The following ITGAV variants were observed in gnomAD, a reference collection of about 807,000 sequenced individuals.
ITGAV encodes integrin alpha-V.
Under a neutral mutation model 143.8 loss-of-function variants are expected in ITGAV, and 76 were observed. That is an observed-to-expected ratio of 0.53 (90% confidence interval 0.44 to 0.64). ITGAV has a LOEUF of 0.64. ITGAV is among the 30% of genes least tolerant of loss of function. The probability of loss-of-function intolerance (pLI) is 0.00; values close to 1 mark genes in which losing one functional copy is unlikely to be tolerated. For synonymous variants in ITGAV, 453 were observed against 446.7 expected, an observed-to-expected ratio of 1.01 and a Z score of -0.18; for missense variants, 1,193 against 1,274.7, an observed-to-expected ratio of 0.94 and a Z score of 0.98.
At chr2:186,633,951 C>G (rs896924813) in intron 6 of ITGAV, among the ~76,000 whole-genome samples, 45 of 152,102 alleles carry the variant, frequency 3.0e-4, no homozygotes, top group African/African-American at 1.1e-3. Flanking sequence ...TCACTTGAAC[C>G]CAGGAGGAGG....
intron 4 of ITGAV, among the ~76,000 whole-genome samples, chr2:186,627,490 A>T (rs1264152407): frequency 1.3e-5 from 2 of 152,226 alleles, no homozygotes; most frequent in Non-Finnish European, 2.9e-5. Flanking sequence ...ACTCTCCTGA[A>T]AACATGCGTT....
In ITGAV at chr2:186,590,236, G is replaced by A; in HGVS notation, c.-103G>A. ...TAGCCGAGAAGAGAGCGGCCGGCAAGTTTGGGCGCGCGCAGGCGGCGGGCC... is the reference window on the plus strand; with the variant it reads ...TAGCCGAGAAGAGAGCGGCCGGCAAATTTGGGCGCGCGCAGGCGGCGGGCC... On this transcript the variant is annotated 5_prime_UTR_variant, in exon 1 of 30. Coordinates refer to ENST00000261023, the MANE Select transcript of ITGAV (RefSeq NM_002210.5). 1.9e-6 allele frequency: 2 copies of A among 1,060,418 alleles called. No homozygotes were observed. The highest frequency in any genetic ancestry group is 2.5e-6 in the Non-Finnish European group (2 of 800,260). 65.7% of individuals were successfully genotyped at this position (1,060,418 alleles called of 1,614,324 possible). A position where few individuals can be genotyped will look rare whatever the true frequency, so the allele number is the denominator to read the frequency against.
At chr2:186,615,045 A>G (rs1440307144) in intron 2 of ITGAV, among the ~76,000 whole-genome samples, 1 of 152,016 alleles carries the variant, frequency 6.6e-6, no homozygotes, top group Non-Finnish European at 1.5e-5. Flanking sequence ...GCAGCTATTA[A>G]TTTACTTTCT....
At chr2:186,622,538 A>T in intron 3 of ITGAV, 108 bp downstream of exon 3, 2 of 723,436 alleles carry the variant, frequency 2.8e-6, no homozygotes, top group Non-Finnish European at 4.9e-6. Flanking sequence ...GCTCAAGGGC[A>T]CAGGGTATAA....
chr2:186,622,477 G>A (rs201344506), intron 3 of ITGAV, 47 bp downstream of exon 3: 21 of 1,214,452 alleles, frequency 1.7e-5, no homozygotes, highest in Non-Finnish European at 2.3e-5. Context: ...GTCAGTTTAT[G>A]TGGAGACACA....
chr2:186,676,968 G>T (rs200035729), intron 29 of ITGAV, 33 bp downstream of exon 29: 1 of 1,598,596 alleles, frequency 6.3e-7, no homozygotes, highest in African/African-American at 1.3e-5. Context: ...AGGAGAGAGG[G>T]AAAGCAGAAG....
At chr2:186,637,154 T>G (rs761179733) in intron 8 of ITGAV, 45 bp downstream of exon 8, 3 of 1,495,774 alleles carry the variant, frequency 2.0e-6, no homozygotes, top group Non-Finnish European at 2.8e-6. Context: ...AAAATTAGAT[T>G]AAGTATTTGA....
intron 23 of ITGAV, among the ~76,000 whole-genome samples, 180 bp from the exon 24 acceptor site, chr2:186,667,491 C>T (rs902460154): frequency 3.3e-5 from 5 of 152,196 alleles, no homozygotes; most frequent in South Asian, 2.1e-4. Flanking sequence ...TCACCTGTTA[C>T]GTGTACATTT....
intron 17 of ITGAV, among the ~76,000 whole-genome samples, chr2:186,657,457 G>A (rs1258123360): frequency 6.6e-6 from 1 of 152,094 alleles, no homozygotes; most frequent in East Asian, 1.9e-4. Flanking sequence ...GATCAACTGG[G>A]AATTGGGAAG....
chr2:186,608,864 A>G (rs1015019658), intron 2 of ITGAV, among the ~76,000 whole-genome samples: 1 of 152,210 alleles, frequency 6.6e-6, no homozygotes, highest in African/African-American at 2.4e-5. Flanking sequence ...AGTTATCTGA[A>G]AAAATAAGCA....
chr2:186,619,738 C>T (rs1230180593), intron 2 of ITGAV, among the ~76,000 whole-genome samples: 2 of 152,182 alleles, frequency 1.3e-5, no homozygotes, highest in African/African-American at 4.8e-5. Flanking sequence ...CACCTGTAAT[C>T]CCAGCACTTT....
At chr2:186,673,661 A>ATTATT (rs1359745989) in intron 26 of ITGAV, among the ~76,000 whole-genome samples, 1 of 151,582 alleles carries the variant, frequency 6.6e-6, no homozygotes, top group Non-Finnish European at 1.5e-5. Flanking sequence ...TATTATTATT[A>ATTATT]TTATTTTATT....
At chr2:186,672,044 C>T (rs183712045) in intron 26 of ITGAV, among the ~76,000 whole-genome samples, 74 of 151,572 alleles carry the variant, frequency 4.9e-4, no homozygotes, top group African/African-American at 1.7e-3. Context: ...CTCCACCTCC[C>T]GGGTTCACGC....
chr2:186,680,771 C>T lies in ITGAV; in HGVS notation c.*3479C>T, dbSNP rs1689329576. 6.6e-6 allele frequency: 1 copy of T among 152,556 alleles called. No homozygotes were observed. The highest frequency in any genetic ancestry group is 2.1e-4 in the South Asian group (1 of 4,832). The allele number at this position is 152,556 out of a possible 1,614,324, so 9.5% of individuals were successfully genotyped here. A position where few individuals can be genotyped will look rare whatever the true frequency, so the allele number is the denominator to read the frequency against. On this transcript the variant is annotated 3_prime_UTR_variant, in exon 30 of 30. Transcript: ENST00000261023. ...TTGTGGTCACCCACATTGGGTGAGACAGAAAATGAATCTGTTCTAAAATTT... is the reference window on the plus strand; with the variant it reads ...TTGTGGTCACCCACATTGGGTGAGATAGAAAATGAATCTGTTCTAAAATTT...
Position 186,641,526 on chromosome 2 carries a change from T to A in ITGAV, c.1097T>A (p.Val366Asp). ...FQTTKLNGFE[V>D]FARFGSAIAP... is the part of the protein sequence containing the mutation. ...ACGACAAAGCTGAATGGATTTGAGG[T>A]CTTTGCACGGTTTGGCAGTGCCATA... The change falls in exon 12 of 30, where the codon GTC becomes GAC. Residue 366 changes from valine to aspartate, a missense_variant. Physicochemically the swap from Val to Asp is radical, Grantham distance 152. Coordinates refer to ENST00000261023, the MANE Select transcript of ITGAV (RefSeq NM_002210.5). 6.2e-7 allele frequency: 1 copy of A among 1,614,126 alleles called. No homozygotes were observed. Among genetic ancestry groups the A allele is most frequent in the South Asian group, 1.1e-5 (1 of 91,084 alleles).
At chr2:186,622,072 C>G (rs978027600) in intron 2 of ITGAV, among the ~76,000 whole-genome samples, 1 of 152,064 alleles carries the variant, frequency 6.6e-6, no homozygotes, top group African/African-American at 2.4e-5. Flanking sequence ...AACTGGAAAA[C>G]TTTATTTACA....
intron 2 of ITGAV, 130 bp from the exon 3 acceptor site, chr2:186,622,209 G>T: frequency 1.6e-6 from 1 of 641,750 alleles, no homozygotes; most frequent in Non-Finnish European, 2.7e-6. Context: ...CTGTATATGA[G>T]AAAAATAACC....
intron 2 of ITGAV, among the ~76,000 whole-genome samples, chr2:186,612,732 C>T (rs1195082237): frequency 6.6e-6 from 1 of 152,168 alleles, no homozygotes; most frequent in Non-Finnish European, 1.5e-5. Flanking sequence ...AAACTAACTT[C>T]CTTTAAGTTT....
chr2:186,648,452 G>A (rs1163258280), intron 13 of ITGAV, among the ~76,000 whole-genome samples: 1 of 152,062 alleles, frequency 6.6e-6, no homozygotes, highest in Non-Finnish European at 1.5e-5. Flanking sequence ...TGTGATTCTA[G>A]AAATAAGGCA....
Sources: allele counts gnomAD v4.1 joint callset (sites outside exome capture counted in the v4.1 genomes callset), GRCh38; gene constraint gnomAD v4.1.1; transcripts MANE v1.5; gene names NCBI Gene and HGNC (gene_info 2026-07-23, HGNC 2026-07-21).